Variants in TMCC1 observed in about 807,000 individuals in gnomAD.
TMCC1 encodes the protein transmembrane and coiled-coil domain family 1.
Under a neutral mutation model 52.4 loss-of-function variants are expected in TMCC1, and 15 were observed. That is an observed-to-expected ratio of 0.29 (90% CI 0.19 to 0.44). The LOEUF is 0.44. TMCC1 is among the 20% of genes least tolerant of loss of function. TMCC1 has a pLI of 1.00. For missense variants in TMCC1, 503 were observed against 806.0 expected, an observed-to-expected ratio of 0.62 and a Z score of 4.55; for synonymous variants, 279 against 301.9, an observed-to-expected ratio of 0.92 and a Z score of 0.79.
intron 4 of TMCC1, among the ~76,000 whole-genome samples, chr3:129,729,542 T>C (rs925716707): frequency 6.6e-6 from 1 of 152,188 alleles, no homozygotes; most frequent in African/African-American, 2.4e-5. Context: ...GATGAAAATA[T>C]TGGCCAGGCA....
intron 4 of TMCC1, among the ~76,000 whole-genome samples, chr3:129,808,921 GA>G (rs1424160450): frequency 2.1e-3 from 182 of 86,114 alleles, no homozygotes; most frequent in African/African-American, 9.1e-3. Context: ...AGATATGCTG[GA>G]AAAAAAAAAA....
intron 2 of TMCC1, among the ~76,000 whole-genome samples, chr3:129,841,965 T>C (rs989287500): frequency 6.6e-6 from 1 of 152,212 alleles, no homozygotes; most frequent in African/African-American, 2.4e-5. Context: ...AGGTAGTTCT[T>C]TATAGCATTG....
chr3:129,663,707 T>G (rs1407750526), intron 5 of TMCC1, among the ~76,000 whole-genome samples: 1 of 152,016 alleles, frequency 6.6e-6, no homozygotes, highest in Non-Finnish European at 1.5e-5. Flanking sequence ...AGGAAATAAA[T>G]AAAAACTAGA....
intron 2 of TMCC1, among the ~76,000 whole-genome samples, chr3:129,836,769 T>C (rs967485874): frequency 6.6e-6 from 1 of 152,190 alleles, no homozygotes; most frequent in Admixed American, 6.5e-5. Context: ...AATCAGAGTG[T>C]GAAGTCCTCG....
At chr3:129,803,514 C>T (rs963572024) in intron 4 of TMCC1, among the ~76,000 whole-genome samples, 4 of 152,064 alleles carry the variant, frequency 2.6e-5, no homozygotes, top group Non-Finnish European at 4.4e-5. Flanking sequence ...GTGTTTTTAC[C>T]ACAATAAAAA....
chr3:129,893,426 A>C (rs1054830719), intron 1 of TMCC1, 68 bp downstream of exon 1: 2 of 151,844 alleles, frequency 1.3e-5, no homozygotes, highest in African/African-American at 4.8e-5. Flanking sequence ...GACTGTCCCC[A>C]CCCACCGCGG....
At chr3:129,696,107 C>T (rs2047400257) in intron 4 of TMCC1, among the ~76,000 whole-genome samples, 1 of 152,184 alleles carries the variant, frequency 6.6e-6, no homozygotes, top group Non-Finnish European at 1.5e-5. Context: ...TCCAGGCCCT[C>T]CCAATCCTGA....
At chr3:129,753,284 C>T (rs1192470149) in intron 4 of TMCC1, among the ~76,000 whole-genome samples, 1 of 152,112 alleles carries the variant, frequency 6.6e-6, no homozygotes, top group East Asian at 1.9e-4. Flanking sequence ...TATATATATC[C>T]AATCTTCCAG....
At chr3:129,780,032 CCT>C (rs2055390860) in intron 4 of TMCC1, among the ~76,000 whole-genome samples, 1 of 152,096 alleles carries the variant, frequency 6.6e-6, no homozygotes, top group Non-Finnish European at 1.5e-5. Context: ...ATTCTGATCC[CCT>C]TTTTTCACTG....
intron 4 of TMCC1, among the ~76,000 whole-genome samples, chr3:129,694,258 A>G (rs1270880827): frequency 6.6e-6 from 1 of 152,262 alleles, no homozygotes; most frequent in Non-Finnish European, 1.5e-5. Flanking sequence ...ACGTCCACAC[A>G]GAAGTTAACT....
chr3:129,787,158 T>C (rs2056098338), intron 4 of TMCC1, among the ~76,000 whole-genome samples: 1 of 152,208 alleles, frequency 6.6e-6, no homozygotes, highest in Non-Finnish European at 1.5e-5. Context: ...GATAATTCTT[T>C]TCACATAAGG....
rs1233173584 is a variant in TMCC1 at position 129,650,103 on chromosome 3, A to G, written c.*1378T>C. ...CAGACAGAATAAAGCTTTGAAATTAAGAATGCTGGGGCCAAAATGAAGACA... is the reference window on the plus strand; with the variant it reads ...CAGACAGAATAAAGCTTTGAAATTAGGAATGCTGGGGCCAAAATGAAGACA... On this transcript the variant is annotated 3_prime_UTR_variant, in exon 7 of 7. Coordinates refer to ENST00000393238, the MANE Select transcript of TMCC1 (RefSeq NM_001017395.5). 1.3e-5 allele frequency: 2 copies of G among 152,622 alleles called. No individual in the cohort carries two copies. Among genetic ancestry groups the G allele is most frequent in the Non-Finnish European group, 2.9e-5 (2 of 68,040 alleles). 9.5% of individuals were successfully genotyped at this position (152,622 alleles called of 1,614,324 possible).
intron 3 of TMCC1, among the ~76,000 whole-genome samples, chr3:129,829,477 A>G (rs904905630): frequency 3.4e-3 from 377 of 110,376 alleles, no homozygotes; most frequent in East Asian, 7.1e-3. Flanking sequence ...AAAAAAAGGG[A>G]GGGGGGGATG....
chr3:129,654,895 TCC>T, intron 6 of TMCC1, 71 bp downstream of exon 6: 5 of 1,564,148 alleles, frequency 3.2e-6, no homozygotes, highest in Admixed American at 3.9e-5. Flanking sequence ...TCATCTTTTT[TCC>T]TTCCGCTGTT....
intron 4 of TMCC1, among the ~76,000 whole-genome samples, chr3:129,796,384 T>C (rs2056822150): frequency 6.6e-6 from 1 of 152,236 alleles, no homozygotes; most frequent in African/African-American, 2.4e-5. Flanking sequence ...CAGTGTTAAA[T>C]GACACGTGAC....
At chr3:129,735,409 T>G (rs1420371768) in intron 4 of TMCC1, among the ~76,000 whole-genome samples, 3 of 152,134 alleles carry the variant, frequency 2.0e-5, no homozygotes, top group Non-Finnish European at 4.4e-5. Flanking sequence ...CTTTGGGAGC[T>G]GAGGCAGGAG....
chr3:129,710,287 T>C (rs546477300), intron 4 of TMCC1, among the ~76,000 whole-genome samples: 7 of 152,334 alleles, frequency 4.6e-5, no homozygotes, highest in South Asian at 2.1e-4. Flanking sequence ...CTTGTGAGGT[T>C]TGTAAGGCAG....
In TMCC1 at chr3:129,706,996, A is replaced by AG. The variant is rs2108987179; in HGVS notation, c.577-35733dup. Among the ~76,000 whole-genome samples, 2 of 151,600 alleles carry AG rather than the reference A, an allele frequency of 1.3e-5. 1 individual carries two copies. Among genetic ancestry groups the AG allele is most frequent in the South Asian group, 4.2e-4 (2 of 4,780 alleles). On this transcript the variant is annotated intron_variant, in intron 4 of 6. Transcript: ENST00000393238. Reference sequence around the variant, plus strand: ...GCAAGACAAAGTCATTTTTAACTGGAGGGGAAAAAAAAAAGGCAGTGTTTG... The same window carrying AG: ...GCAAGACAAAGTCATTTTTAACTGGAGGGGGAAAAAAAAAAGGCAGTGTTTG...
chr3:129,770,016 C>T (rs971486029), intron 4 of TMCC1, among the ~76,000 whole-genome samples: 7 of 152,120 alleles, frequency 4.6e-5, no homozygotes, highest in African/African-American at 1.7e-4. Context: ...CATTTTGTCA[C>T]GTGTCACAAA....
Sources: gnomAD v4.1 joint callset for allele counts (sites outside exome capture counted in the v4.1 genomes callset) on GRCh38, gnomAD v4.1.1 for gene constraint, MANE v1.5 for transcripts, NCBI Gene and HGNC (gene_info 2026-07-23, HGNC 2026-07-21) for gene names.